Variants in MIPOL1 observed in about 807,000 individuals in gnomAD.
MIPOL1 encodes the protein mirror-image polydactyly 1.
A neutral mutation model predicts 60.9 loss-of-function variants in MIPOL1; 57 were observed. The ratio of observed to expected loss-of-function variants is 0.94; its 90% CI spans 0.76 to 1.17. The LOEUF is 1.17. Among genes scored for constraint, MIPOL1 ranks in the 50% most tolerant of loss-of-function variants. The pLI, the probability that MIPOL1 is intolerant of heterozygous loss-of-function variation, is 0.00. For missense variants in MIPOL1, 551 were observed against 511.6 expected, an observed-to-expected ratio of 1.08 and a Z score of -0.74; for synonymous variants, 179 against 168.8, an observed-to-expected ratio of 1.06 and a Z score of -0.47.
intron 12 of MIPOL1, among the ~76,000 whole-genome samples, chr14:37,521,646 A>G (rs910511185): frequency 2.0e-5 from 3 of 152,144 alleles, no homozygotes; most frequent in African/African-American, 4.8e-5. Context: ...CTTCAGCTGA[A>G]TGATAAACAA....
intron 11 of MIPOL1, among the ~76,000 whole-genome samples, chr14:37,468,140 G>C (rs188916918): frequency 6.6e-6 from 1 of 151,526 alleles, no homozygotes; most frequent in African/African-American, 2.4e-5. Flanking sequence ...TGACAATATA[G>C]TATATAAACA....
At position 37,308,408 on chromosome 14, in the gene MIPOL1, G is replaced by T. The variant is rs142293844; in HGVS notation, c.717G>T (p.Lys239Asn). The T allele has an allele frequency of 2.4e-4, 385 of 1,604,656 alleles. No individual in the cohort carries two copies. Among genetic ancestry groups the T allele is most frequent in the Non-Finnish European group, 3.2e-4 (380 of 1,176,522 alleles). The change falls in exon 9 of 13, where the codon AAG becomes AAT. Residue 239 changes from lysine to asparagine, a missense_variant. Lys to Asn is a moderately conservative substitution (Grantham distance 94). Transcript: ENST00000684589. ...NNADTGIAIQKNGAIIVDRIY... is the reference protein window; with the variant it reads ...NNADTGIAIQNNGAIIVDRIY... ...CAGACACAGGGATAGCTATTCAGAA[G>T]AATGGAGCTATAATTGTGGATAGAA...
intron 12 of MIPOL1, among the ~76,000 whole-genome samples, chr14:37,513,088 T>G (rs2095341566): frequency 1.3e-5 from 2 of 152,108 alleles, no homozygotes. Flanking sequence ...CTCAGATGGC[T>G]CCTAAACAGT....
intron 3 of MIPOL1, among the ~76,000 whole-genome samples, 160 bp from the exon 4 acceptor site, chr14:37,266,778 A>G (rs897776930): frequency 6.6e-6 from 1 of 152,196 alleles, no homozygotes; most frequent in Admixed American, 6.5e-5. Context: ...ACCATTATCT[A>G]CAACTTATCC....
At chr14:37,541,867 C>T (rs1326495146) in intron 12 of MIPOL1, among the ~76,000 whole-genome samples, 3 of 152,290 alleles carry the variant, frequency 2.0e-5, no homozygotes, top group East Asian at 1.9e-4. Context: ...TTTTAAAAAG[C>T]ATTTCCTTCC....
chr14:37,521,721 T>C (rs2095414000), intron 12 of MIPOL1, among the ~76,000 whole-genome samples: 1 of 151,882 alleles, frequency 6.6e-6, no homozygotes, highest in African/African-American at 2.4e-5. Context: ...CTTTGCTCAT[T>C]TGTGGGCTCT....
rs1355654795 is a variant in MIPOL1, at chr14:37,437,698, C to T, written c.1031+14749C>T. ...GACCATCAACGGGTAATTAACCTCT[C>T]AAAGCCTCAATTTCCTGACCTGCAA... On this transcript the variant is annotated intron_variant, in intron 11 of 12. Coordinates refer to ENST00000684589, the MANE Select transcript of MIPOL1 (RefSeq NM_001388067.1). Among the ~76,000 whole-genome samples the T allele has an allele frequency of 2.0e-5, 3 of 152,234 alleles. 1 individual carries two copies. Among genetic ancestry groups the T allele is most frequent in the Admixed American group, 1.3e-4 (2 of 15,294 alleles).
rs562110334 is a variant in MIPOL1 at position 37,294,333 on chromosome 14, G to A, written c.623+8886G>A. 7.9e-5 allele frequency among the ~76,000 whole-genome samples: 12 copies of A among 151,978 alleles called. No homozygotes were observed. The South Asian group carries it at 2.1e-3, about 26-fold the overall frequency. ...TATGTCACCATCATCAAAGACCAAA[G>A]GTAGATAAAACCACAAAGATGGGGA... On this transcript the variant is annotated intron_variant, in intron 7 of 12. Transcript: ENST00000684589.
intron 11 of MIPOL1, among the ~76,000 whole-genome samples, chr14:37,449,150 A>G (rs947345610): frequency 6.6e-5 from 10 of 152,122 alleles, no homozygotes; most frequent in Non-Finnish European, 1.5e-4. Flanking sequence ...GGTTGCTAAA[A>G]TTTTTGCCGT....
At chr14:37,266,704 C>A (rs1272635362) in intron 3 of MIPOL1, among the ~76,000 whole-genome samples, 1 of 152,188 alleles carries the variant, frequency 6.6e-6, no homozygotes, top group Non-Finnish European at 1.5e-5. Flanking sequence ...GTCCCCATGA[C>A]AGCCCCACAA....
rs1244392754 is a variant in MIPOL1 at position 37,550,192 on chromosome 14, T to C, written c.*3221T>C. The C allele has an allele frequency of 2.0e-5, 3 of 151,182 alleles. No individual in the cohort carries two copies. The highest frequency in any genetic ancestry group is 4.4e-5 in the Non-Finnish European group (3 of 67,658). 9.4% of individuals were successfully genotyped at this position (151,182 alleles called of 1,614,324 possible). A position where few individuals can be genotyped will look rare whatever the true frequency, so the allele number is the denominator to read the frequency against. The stretch of plus-strand genomic sequence containing the variant: ...TAAATTCAGTCATCTTCTTATCAGG[T>C]TGCTTATTTATATAATTTGTTTATT... On this transcript the variant is annotated 3_prime_UTR_variant, in exon 13 of 13. Coordinates refer to ENST00000684589, the MANE Select transcript of MIPOL1 (RefSeq NM_001388067.1).
chr14:37,397,784 T>A (rs529747249), intron 10 of MIPOL1, among the ~76,000 whole-genome samples: 1 of 152,146 alleles, frequency 6.6e-6, no homozygotes, highest in African/African-American at 2.4e-5. Context: ...CTCACCCAGC[T>A]CCCATGCAAT....
intron 11 of MIPOL1, among the ~76,000 whole-genome samples, chr14:37,477,974 G>A (rs2094803520): frequency 6.6e-6 from 1 of 152,190 alleles, no homozygotes; most frequent in Non-Finnish European, 1.5e-5. Context: ...GTCTGCAGAT[G>A]CCCCATTGGG....
intron 11 of MIPOL1, among the ~76,000 whole-genome samples, chr14:37,476,158 A>C (rs1008248309): frequency 5.3e-5 from 8 of 152,208 alleles, no homozygotes; most frequent in African/African-American, 1.9e-4. Context: ...TCTTTTCGGC[A>C]TTAATGTAAT....
chr14:37,451,731 A>T (rs1259786232), intron 11 of MIPOL1, among the ~76,000 whole-genome samples: 3 of 151,850 alleles, frequency 2.0e-5, no homozygotes, highest in African/African-American at 4.9e-5. Context: ...TAGAAAGTAA[A>T]TGTTCTGCTG....
Position 37,547,103 on chromosome 14 carries a change from A to G in MIPOL1, c.*132A>G, listed in dbSNP as rs2153644716. ...AGTGGGACACTCCAACCACATTCCA[A>G]GCTGAGATAAAATCAAATCACAAAT... On this transcript the variant is annotated 3_prime_UTR_variant, in exon 13 of 13. Coordinates refer to ENST00000684589, the MANE Select transcript of MIPOL1 (RefSeq NM_001388067.1). The G allele has an allele frequency of 1.5e-6, 1 of 678,766 alleles. No homozygotes were observed. Among genetic ancestry groups the G allele is most frequent in the Non-Finnish European group, 2.5e-6 (1 of 397,892 alleles). The allele number at this position is 678,766 out of a possible 1,614,324, so 42.0% of individuals were successfully genotyped here.
chr14:37,299,506 G>A lies in MIPOL1; in HGVS notation c.624-8550G>A, dbSNP rs897684597. Among the ~76,000 whole-genome samples the A allele has an allele frequency of 1.7e-4, 26 of 151,880 alleles. 1 individual carries two copies. The highest frequency in any genetic ancestry group is 5.8e-4 in the African/African-American group (24 of 41,374). ...CCTACTTTCTTTACCATTTGGTTAA[G>A]TTGCATATTCTGTTCATGAGTCTAT... On this transcript the variant is annotated intron_variant, in intron 7 of 12. Transcript: ENST00000684589.
chr14:37,338,621 C>G (rs1033573597), intron 9 of MIPOL1, among the ~76,000 whole-genome samples: 7 of 151,814 alleles, frequency 4.6e-5, no homozygotes, highest in Admixed American at 4.6e-4. Flanking sequence ...GTTTCCCAGG[C>G]TGGTCTAGAA....
At chr14:37,317,403 T>A (rs2088030813) in intron 9 of MIPOL1, among the ~76,000 whole-genome samples, 1 of 152,144 alleles carries the variant, frequency 6.6e-6, no homozygotes, top group African/African-American at 2.4e-5. Context: ...TCAGGGAAGT[T>A]GTGTGATTTC....
Sources: allele counts gnomAD v4.1 joint callset (sites outside exome capture counted in the v4.1 genomes callset), GRCh38; gene constraint gnomAD v4.1.1; transcripts MANE v1.5; gene names NCBI Gene and HGNC (gene_info 2026-07-23, HGNC 2026-07-21).